WNK1: variants seen among roughly 807,000 people sequenced by gnomAD.
The protein encoded by WNK1 is WNK lysine deficient protein kinase 1.
A neutral mutation model predicts 222.8 loss-of-function variants in WNK1; 38 were observed. That is an observed-to-expected ratio of 0.17 (90% CI 0.13 to 0.22). The LOEUF is 0.22. WNK1 is among the 10% of genes least tolerant of loss of function. WNK1 has a pLI of 1.00. For synonymous variants in WNK1, 1,090 were observed against 1,092.9 expected, an observed-to-expected ratio of 1.00 and a Z score of 0.05; for missense variants, 2,348 against 2,918.4, an observed-to-expected ratio of 0.80 and a Z score of 4.50.
At chr12:858,565 A>G (rs1159551837) in intron 5 of WNK1, among the ~76,000 whole-genome samples, 5 of 152,204 alleles carry the variant, frequency 3.3e-5, no homozygotes, top group Non-Finnish European at 5.9e-5. Flanking sequence ...TTGTTTCACA[A>G]TCAGACTTCT....
intron 3 of WNK1, chr12:829,777 C>T (rs1948654327): frequency 3.5e-6 from 2 of 567,870 alleles, no homozygotes; most frequent in South Asian, 4.1e-5. Flanking sequence ...AGATCCTTGA[C>T]CTTATTCCAG....
At chr12:767,820 A>AGG in intron 1 of WNK1, among the ~76,000 whole-genome samples, 1 of 152,086 alleles carries the variant, frequency 6.6e-6, no homozygotes, top group Admixed American at 6.6e-5. Flanking sequence ...GCATACTTCT[A>AGG]CACACCTCTT....
At position 753,940 on chromosome 12, in the gene WNK1, G is replaced by A. The variant is rs759833810; in HGVS notation, c.375G>A (p.Val125=). 23 of 1,598,328 alleles carry A rather than the reference G, an allele frequency of 1.4e-5. No individual in the cohort carries two copies. The highest frequency in any genetic ancestry group is 1.7e-5 in the Non-Finnish European group (20 of 1,170,914). The stretch of plus-strand genomic sequence containing the variant: ...CGGAGCCCCACCGGGAAGAGACCGT[G>A]ACCGCCACCGCCACTTCCCAGGTAG... ...APPEPHREET[V]TATATSQVAQ... Residue 125 remains valine, a synonymous_variant, in exon 1 of 28, where the codon GTG becomes GTA. Coordinates refer to ENST00000315939, the MANE Select transcript of WNK1 (RefSeq NM_018979.4). This position sits in a 1 kb window ranked among gnomAD's most constrained non-coding sequence, Gnocchi z 5.2.
chr12:902,068 C>T (rs527672024), intron 26 of WNK1, among the ~76,000 whole-genome samples: 1 of 150,836 alleles, frequency 6.6e-6, no homozygotes, highest in Non-Finnish European at 1.5e-5. Flanking sequence ...GAGGCCGAGG[C>T]GGGAAGATTG....
chr12:828,432 TA>T (rs1278438486), intron 3 of WNK1, among the ~76,000 whole-genome samples: 4 of 152,226 alleles, frequency 2.6e-5, no homozygotes, highest in Admixed American at 6.5e-5. Flanking sequence ...ATGATCTATC[TA>T]AAAGAGTGTT....
In WNK1 at chr12:754,216, T is replaced by C. The variant is rs1395684695; in HGVS notation, c.651T>C (p.Asp217=). 6.2e-7 allele frequency: 1 copy of C among 1,613,776 alleles called. No homozygotes were observed. Among genetic ancestry groups the C allele is most frequent in the East Asian group, 2.2e-5 (1 of 44,886 alleles). ...CCAAGGCCGTGGGAATGTCTAACGA[T>C]GGCCGCTTTCTCAAGTTTGACATCG... The part of the protein sequence containing the change: ...LETKAVGMSN[D]GRFLKFDIEI... The change falls in exon 1 of 28, where the codon GAT becomes GAC. Residue 217 remains aspartate (D), a synonymous_variant. Transcript: ENST00000315939.
chr12:801,473 G>C (rs760743184), intron 1 of WNK1, among the ~76,000 whole-genome samples: 9 of 144,306 alleles, frequency 6.2e-5, no homozygotes, highest in African/African-American at 2.0e-4. Context: ...GTAGTGGCAC[G>C]ATCACACTCA....
At chr12:774,930 A>G (rs1942933522) in intron 1 of WNK1, among the ~76,000 whole-genome samples, 1 of 152,000 alleles carries the variant, frequency 6.6e-6, no homozygotes, top group Admixed American at 6.6e-5. Flanking sequence ...TTCTGCAAAT[A>G]TTTTTCAATG....
chr12:788,548 A>T (rs1485028486), intron 1 of WNK1, among the ~76,000 whole-genome samples: 3 of 152,238 alleles, frequency 2.0e-5, no homozygotes. Flanking sequence ...GCTGATACCC[A>T]GACAGTATAT....
chr12:839,812 G>A (rs1949479503), intron 4 of WNK1, among the ~76,000 whole-genome samples: 1 of 151,630 alleles, frequency 6.6e-6, no homozygotes, highest in Non-Finnish European at 1.5e-5. Flanking sequence ...CGCCTCCCAG[G>A]TTCAAGTGAT....
At chr12:787,837 G>A (rs1944458750) in intron 1 of WNK1, among the ~76,000 whole-genome samples, 1 of 152,146 alleles carries the variant, frequency 6.6e-6, no homozygotes, top group African/African-American at 2.4e-5. Flanking sequence ...TACATTGTGT[G>A]TGTGTGCGTG....
rs760726263 is a variant in WNK1, at chr12:880,854, G to A, written c.2966G>A (p.Gly989Glu). Residue 989 changes from glycine (G) to glutamate (E), a missense_variant, in exon 12 of 28, where the codon GGG becomes GAG. Gly to Glu is a moderately conservative substitution (Grantham distance 98, BLOSUM62 -2). Around this residue, in one of 13 missense-constraint regions of WNK1, gnomAD observed 547 missense variants for 558.3 expected, o/e 0.98. Coordinates refer to ENST00000315939, the MANE Select transcript of WNK1 (RefSeq NM_018979.4). ...PMPTEVLATP[G>E]YFPTVVQPYV... is the part of the protein sequence containing the mutation. ...CCGACAGAAGTACTGGCTACACCTG[G>A]GTACTTTCCCACAGTGGTGCAGCCT... is the stretch of plus-strand genomic sequence containing the variant. The A allele has an allele frequency of 6.2e-7, 1 of 1,613,984 alleles. No homozygotes were observed.
At chr12:819,708 A>G (rs190180234) in intron 2 of WNK1, among the ~76,000 whole-genome samples, 7 of 152,236 alleles carry the variant, frequency 4.6e-5, no homozygotes, top group Admixed American at 3.9e-4. Flanking sequence ...TAACTTTTCT[A>G]TTTAGGTTAT....
chr12:900,578 C>T lies in WNK1; in HGVS notation c.6551C>T (p.Pro2184Leu). ...TCCGGGCAGAATCAGCTGTTACAGC[C>T]CCTTAAGCCATCTCCCTCCAGTGAC... is the stretch of plus-strand genomic sequence containing the variant. ...PESGQNQLLQ[P>L]LKPSPSSDNL... The change falls in exon 26 of 28, where the codon CCC becomes CTC. Residue 2184 changes from proline to leucine, a missense_variant. Coordinates refer to ENST00000315939, the MANE Select transcript of WNK1 (RefSeq NM_018979.4). 6.2e-7 allele frequency: 1 copy of T among 1,614,206 alleles called. No homozygotes were observed. The highest frequency in any genetic ancestry group is 2.2e-5 in the East Asian group (1 of 44,884).
At chr12:865,078 G>GT in intron 8 of WNK1, 5 of 1,484,360 alleles carry the variant, frequency 3.4e-6, no homozygotes, top group Non-Finnish European at 4.5e-6. Flanking sequence ...ACAGTACTGT[G>GT]TTTTTCATGT....
At chr12:872,196 G>T (rs935162269) in intron 9 of WNK1, among the ~76,000 whole-genome samples, 1 of 152,094 alleles carries the variant, frequency 6.6e-6, no homozygotes, top group Non-Finnish European at 1.5e-5. Context: ...TGCAATCTTG[G>T]CTCACTGCAA....
chr12:815,724 C>T (rs559291663), intron 2 of WNK1, among the ~76,000 whole-genome samples: 2 of 152,286 alleles, frequency 1.3e-5, no homozygotes, highest in African/African-American at 4.8e-5. Context: ...GGTTTGGATA[C>T]TTACTTGGTT....
At chr12:804,139 G>A (rs1946131858) in intron 1 of WNK1, among the ~76,000 whole-genome samples, 1 of 152,084 alleles carries the variant, frequency 6.6e-6, no homozygotes, top group Non-Finnish European at 1.5e-5. Flanking sequence ...CTGTATCTTC[G>A]AAGCTCTCAG....
At position 880,813 on chromosome 12, in the gene WNK1, C is replaced by T. The variant is rs1953085177; in HGVS notation, c.2925C>T (p.Val975=). The T allele has an allele frequency of 1.9e-6, 3 of 1,614,054 alleles. No individual in the cohort carries two copies. The highest frequency in any genetic ancestry group is 2.5e-6 in the Non-Finnish European group (3 of 1,180,014). The change falls in exon 12 of 28, where the codon GTC becomes GTT. Residue 975 remains valine, a synonymous_variant. Coordinates refer to ENST00000315939, the MANE Select transcript of WNK1 (RefSeq NM_018979.4). The part of the protein sequence containing the change: ...NVASVCIHST[V]LSPPMPTEVL... ...CTTCTGTTTGCATCCATTCTACAGT[C>T]CTATCCCCTCCCATGCCGACAGAAG... is the stretch of plus-strand genomic sequence containing the variant.
Sources: gnomAD v4.1 joint callset for allele counts (sites outside exome capture counted in the v4.1 genomes callset) on GRCh38, gnomAD v4.1.1 for gene constraint, gnomAD v4.1.1 regional missense constraint, Gnocchi (gnomAD v3.1) non-coding constraint, MANE v1.5 for transcripts, NCBI Gene and HGNC (gene_info 2026-07-23, HGNC 2026-07-21) for gene names.